RAB6A: variants seen among roughly 807,000 people sequenced by gnomAD.
RAB6A encodes the protein ras-related protein Rab-6A.
RAB6A carries 8 observed loss-of-function variants against 32.3 expected under a neutral mutation model. The ratio of observed to expected loss-of-function variants is 0.25; its 90% CI spans 0.15 to 0.45. RAB6A has a LOEUF of 0.45. RAB6A is among the 20% of genes least tolerant of loss of function. The pLI is 1.00. For synonymous variants in RAB6A, 73 were observed against 82.1 expected (o/e 0.89, Z 0.60); for missense variants, 104 against 249.4 (o/e 0.42, Z 3.93).
At chr11:73,705,211 G>A (rs1945818919) in intron 6 of RAB6A, among the ~76,000 whole-genome samples, 1 of 151,958 alleles carries the variant, frequency 6.6e-6, no homozygotes, top group Non-Finnish European at 1.5e-5. Context: ...CCTGTACCAG[G>A]ATATATAAGC....
chr11:73,716,962 C>G (rs1221409111), intron 4 of RAB6A, among the ~76,000 whole-genome samples: 1 of 152,024 alleles, frequency 6.6e-6, no homozygotes, highest in Non-Finnish European at 1.5e-5. Context: ...CTTACAGCAG[C>G]TAAAGAAAAC....
At chr11:73,679,766 A>C (rs1945326160) in intron 6 of RAB6A, 46 bp from the exon 7 acceptor site, 5 of 1,608,622 alleles carry the variant, frequency 3.1e-6, no homozygotes, top group Non-Finnish European at 4.3e-6. Context: ...AACATTTAGC[A>C]AAGGGTACTG....
chr11:73,720,808 A>T, intron 3 of RAB6A, 38 bp downstream of exon 3: 1 of 1,490,530 alleles, frequency 6.7e-7, no homozygotes. Context: ...TCTAACCTGG[A>T]ATGTTGCAGA....
At chr11:73,739,284 A>AATATAT (rs1555066941) in intron 1 of RAB6A, among the ~76,000 whole-genome samples, 23 of 6,752 alleles carry the variant, frequency 3.4e-3, no homozygotes, top group Middle Eastern at 0.056. Flanking sequence ...AAAAAAAAAA[A>AATATAT]ATATATATAT....
intron 6 of RAB6A, among the ~76,000 whole-genome samples, chr11:73,694,984 C>T (rs941259131): frequency 3.3e-5 from 5 of 151,980 alleles, no homozygotes; most frequent in African/African-American, 9.7e-5. Flanking sequence ...CCACTGCACT[C>T]AAGCCTGGGC....
At chr11:73,724,448 T>C (rs1946186008) in intron 2 of RAB6A, among the ~76,000 whole-genome samples, 1 of 152,036 alleles carries the variant, frequency 6.6e-6, no homozygotes, top group Admixed American at 6.6e-5. Context: ...CCACAATCAT[T>C]ATCATGCTAA....
chr11:73,748,846 T>C (rs1380618273), intron 1 of RAB6A, among the ~76,000 whole-genome samples: 1 of 152,168 alleles, frequency 6.6e-6, no homozygotes, highest in Non-Finnish European at 1.5e-5. Flanking sequence ...TGGATTAGGC[T>C]GGGCGCGGTG....
chr11:73,682,117 C>A lies in RAB6A; in HGVS notation c.496-2397G>T, dbSNP rs751666978. On this transcript the variant is annotated intron_variant, in intron 6 of 7. Transcript: ENST00000336083. ...AAATCAATATAACATTAATTATATA[C>A]GGTGGGTCCATCTGGATTAATATGT... Among the ~76,000 whole-genome samples, 7 of 151,978 alleles carry A rather than the reference C, an allele frequency of 4.6e-5. No individual in the cohort carries two copies. In the South Asian group the frequency reaches 1.2e-3, roughly 27 times the overall value.
rs1240814271 is a variant in RAB6A at position 73,678,049 on chromosome 11, CCTAT to C, written c.563-91_563-88del. 20 of 1,353,726 alleles carry C rather than the reference CCTAT, an allele frequency of 1.5e-5. 1 individual carries two copies. Among genetic ancestry groups the C allele is most frequent in the Admixed American group, 1.1e-4 (6 of 55,620 alleles). 83.9% of individuals were successfully genotyped at this position (1,353,726 alleles called of 1,614,324 possible). ...GCATTTCTGGGATGGCCCTTATATT[CCTAT>C]CTGTCTTCAGAGCCTACACACTCAC... On this transcript the variant is annotated intron_variant, in intron 7 of 7. Coordinates refer to ENST00000336083, the MANE Select transcript of RAB6A (RefSeq NM_198896.2).
In RAB6A at chr11:73,758,370, TAAC is replaced by T. The variant is rs1329636834; in HGVS notation, c.70+2193_70+2195del. ...ATATCAATATTAGTTCATTAATTGT[TAAC>T]AAATGTGCCATACTAATGCAAGATG... On this transcript the variant is annotated intron_variant, in intron 1 of 7. Coordinates refer to ENST00000336083, the MANE Select transcript of RAB6A (RefSeq NM_198896.2). Among the ~76,000 whole-genome samples the T allele has an allele frequency of 1.2e-4, 19 of 152,354 alleles. No homozygotes were observed. The South Asian group carries it at 3.5e-3, about 28-fold the overall frequency.
At chr11:73,754,194 C>G (rs1484141519) in intron 1 of RAB6A, among the ~76,000 whole-genome samples, 1 of 152,184 alleles carries the variant, frequency 6.6e-6, no homozygotes, top group Non-Finnish European at 1.5e-5. Flanking sequence ...CTCTAGTGCT[C>G]TAAATCATTA....
chr11:73,737,486 A>C (rs1946418145), intron 1 of RAB6A, among the ~76,000 whole-genome samples: 1 of 151,460 alleles, frequency 6.6e-6, no homozygotes. Context: ...CTGTTTCTAA[A>C]ACTCATCATC....
At chr11:73,710,737 G>GAA (rs56077645) in intron 5 of RAB6A, among the ~76,000 whole-genome samples, 1 of 142,194 alleles carries the variant, frequency 7.0e-6, no homozygotes, top group Non-Finnish European at 1.5e-5. Context: ...ACTCAGTCTT[G>GAA]AAAAAAAAAA....
intron 6 of RAB6A, among the ~76,000 whole-genome samples, chr11:73,693,401 G>A (rs1945607535): frequency 6.6e-6 from 1 of 152,032 alleles, no homozygotes. Flanking sequence ...TAACCAGTAG[G>A]TACATGAATC....
At chr11:73,693,754 G>A (rs532848149) in intron 6 of RAB6A, among the ~76,000 whole-genome samples, 5 of 151,732 alleles carry the variant, frequency 3.3e-5, no homozygotes, top group South Asian at 2.1e-4. Context: ...GGTGGTGGAC[G>A]CCTGTAGTCC....
chr11:73,715,841 G>T (rs959530032), intron 5 of RAB6A, among the ~76,000 whole-genome samples: 1 of 152,080 alleles, frequency 6.6e-6, no homozygotes, highest in Non-Finnish European at 1.5e-5. Flanking sequence ...CCACACCACT[G>T]AATTATAATG....
At chr11:73,706,522 A>C (rs1484176866) in intron 6 of RAB6A, among the ~76,000 whole-genome samples, 1 of 152,016 alleles carries the variant, frequency 6.6e-6, no homozygotes, top group African/African-American at 2.4e-5. Flanking sequence ...TCAAAAAAAA[A>C]AAAAAATTAT....
At chr11:73,728,610 A>AAATAATGATAATAATAATAAT (rs1555063854) in intron 2 of RAB6A, among the ~76,000 whole-genome samples, 1 of 136,484 alleles carries the variant, frequency 7.3e-6, no homozygotes, top group Non-Finnish European at 1.5e-5. Context: ...GTCTTTGTTT[A>AAATAATGATAATAATAATAAT]AATAATAATA....
Position 73,738,900 on chromosome 11 carries a change from C to T in RAB6A, c.71-8077G>A, listed in dbSNP as rs184724211. On this transcript the variant is annotated intron_variant, in intron 1 of 7. Coordinates refer to ENST00000336083, the MANE Select transcript of RAB6A (RefSeq NM_198896.2). The stretch of plus-strand genomic sequence containing the variant: ...CGGAGGCTGCAGTGAGCCAAGACTG[C>T]GCCACTGCACTCCAGCTTGGGCAAC... 2.1e-4 allele frequency among the ~76,000 whole-genome samples: 31 copies of T among 150,154 alleles called. No individual in the cohort carries two copies. In the East Asian group the frequency reaches 2.8e-3, roughly 13 times the overall value.
Sources: allele counts gnomAD v4.1 joint callset (sites outside exome capture counted in the v4.1 genomes callset), GRCh38; gene constraint gnomAD v4.1.1; transcripts MANE v1.5; gene names NCBI Gene and HGNC (gene_info 2026-07-23, HGNC 2026-07-21).